The following AFF2 variants were observed in gnomAD, a reference collection of about 807,000 sequenced individuals.
AFF2 encodes AF4/FMR2 family member 2.
A neutral mutation model predicts 76.9 loss-of-function variants in AFF2; 14 were observed. That is an observed-to-expected ratio of 0.18 (90% confidence interval 0.12 to 0.28). The LOEUF is 0.28. AFF2 is among the 10% of genes least tolerant of loss of function. The pLI is 1.00. For missense variants in AFF2, 868 were observed against 1,001.1 expected (o/e 0.87, Z 1.79); for synonymous variants, 398 against 366.7 (o/e 1.09, Z -0.98).
Position 148,661,979 on chromosome X carries a change from G to T in AFF2, c.252G>T (p.Leu84Phe), listed in dbSNP as rs1232386544. The T allele has an allele frequency of 2.5e-6, 3 of 1,205,693 alleles. No homozygotes were observed. The highest frequency in any genetic ancestry group is 3.4e-6 in the Non-Finnish European group (3 of 891,597). ...GAAACTATGATGAAATGAAGAATTT[G>T]CTAACTAACCATTCTAATCAGAATC... The part of the protein sequence containing the change: ...TLGNYDEMKN[L>F]LTNHSNQNHL... Residue 84 changes from leucine (L) to phenylalanine (F), a missense_variant, in exon 3 of 21, where the codon TTG becomes TTT. Leu to Phe is a conservative substitution (Grantham distance 22). Transcript: ENST00000370460.
At chrX:148,800,592 G>A (rs907831775) in intron 3 of AFF2, among the ~76,000 whole-genome samples, 2 of 111,464 alleles carry the variant, frequency 1.8e-5, no homozygotes, top group Admixed American at 9.5e-5. Context: ...AAAAATAAGA[G>A]CCAAAGGTAC....
At chrX:148,503,832 A>G (rs782572293) in intron 1 of AFF2, among the ~76,000 whole-genome samples, 27 of 111,878 alleles carry the variant, frequency 2.4e-4, no homozygotes, top group African/African-American at 8.1e-4. Context: ...GGATTTCACA[A>G]ACTGCAAGAA....
chrX:148,800,664 C>A (rs1557270843), intron 3 of AFF2, among the ~76,000 whole-genome samples: 1 of 111,106 alleles, frequency 9.0e-6, no homozygotes, highest in African/African-American at 3.3e-5. Flanking sequence ...CCATAATATA[C>A]CTGTGGCAAT....
intron 1 of AFF2, among the ~76,000 whole-genome samples, chrX:148,539,647 C>G (rs1023715909): frequency 9.0e-6 from 1 of 111,016 alleles, no homozygotes; most frequent in Non-Finnish European, 1.9e-5. Flanking sequence ...CCAACATTCT[C>G]TAAGATTGAA....
intron 3 of AFF2, among the ~76,000 whole-genome samples, chrX:148,707,318 A>G (rs1557262481): frequency 1.8e-5 from 2 of 111,066 alleles, no homozygotes; most frequent in African/African-American, 6.5e-5. Context: ...AGTTTTATCT[A>G]TTCGTTGTAG....
intron 1 of AFF2, among the ~76,000 whole-genome samples, chrX:148,552,720 A>G (rs1168270261): frequency 5.3e-5 from 6 of 112,447 alleles, no homozygotes; most frequent in Admixed American, 9.4e-5. Context: ...TTGGCTTGAC[A>G]GCACAGATAG....
chrX:148,939,418 A>T (rs782681655), intron 9 of AFF2, among the ~76,000 whole-genome samples: 1 of 111,891 alleles, frequency 8.9e-6, no homozygotes, highest in Non-Finnish European at 1.9e-5. Flanking sequence ...ATATATTCTT[A>T]TTTTAACACT....
chrX:148,816,318 T>G (rs1404564667), intron 4 of AFF2, among the ~76,000 whole-genome samples: 1 of 111,070 alleles, frequency 9.0e-6, no homozygotes, highest in African/African-American at 3.3e-5. Flanking sequence ...AAGGAAAGAA[T>G]AAAACAAGGC....
chrX:148,506,809 A>G (rs183878407), intron 1 of AFF2, among the ~76,000 whole-genome samples: 3 of 111,711 alleles, frequency 2.7e-5, no homozygotes, highest in Non-Finnish European at 5.7e-5. Context: ...CAATAACCTT[A>G]AAGATTTGTT....
rs1603352925 is a variant in AFF2, at chrX:148,983,059, C to T, written c.3623+2269C>T. Among the ~76,000 whole-genome samples, 5 of 111,859 alleles carry T rather than the reference C, an allele frequency of 4.5e-5. No homozygotes were observed. The Admixed American group carries it at 4.7e-4, about 11-fold the overall frequency. Reference sequence around the variant, plus strand: ...AAGTTAGTGTTCCCTCTCAACAAATCGATTGCAAATGTTCATCTTTCGCAA... The same window carrying T: ...AAGTTAGTGTTCCCTCTCAACAAATTGATTGCAAATGTTCATCTTTCGCAA... On this transcript the variant is annotated intron_variant, in intron 19 of 20. Coordinates refer to ENST00000370460, the MANE Select transcript of AFF2 (RefSeq NM_002025.4).
At chrX:148,502,552 C>T (rs782793873) in intron 1 of AFF2, among the ~76,000 whole-genome samples, 1 of 112,540 alleles carries the variant, frequency 8.9e-6, no homozygotes, top group Non-Finnish European at 1.9e-5. Flanking sequence ...GTTTTATCAG[C>T]TCTGTAGAAA....
rs1225255603 is a variant in AFF2, at chrX:148,966,270, C to T, written c.2914-520C>T. On this transcript the variant is annotated intron_variant, in intron 13 of 20. Transcript: ENST00000370460. The stretch of plus-strand genomic sequence containing the variant: ...GGCAGGGATGATTAGAGTACAATTT[C>T]CTAGTATTTTGCTGGACTGTATCTG... 8.1e-5 allele frequency among the ~76,000 whole-genome samples: 9 copies of T among 111,271 alleles called. No homozygotes were observed. In the East Asian group the frequency reaches 2.5e-3, roughly 31 times the overall value.
intron 3 of AFF2, among the ~76,000 whole-genome samples, chrX:148,800,939 C>G (rs1300781726): frequency 1.8e-5 from 2 of 112,373 alleles, no homozygotes; most frequent in Non-Finnish European, 1.9e-5. Context: ...GGAATGATTT[C>G]TCTCAGGAGG....
chrX:148,991,141 G>A (rs372389018), intron 20 of AFF2, 70 bp from the exon 21 acceptor site: 5 of 1,047,778 alleles, frequency 4.8e-6, no homozygotes, highest in East Asian at 3.3e-5. Context: ...TGTGAAAGCA[G>A]CTTCTCAATG....
chrX:148,674,680 C>T (rs1357025833), intron 3 of AFF2, among the ~76,000 whole-genome samples: 3 of 111,790 alleles, frequency 2.7e-5, no homozygotes, highest in African/African-American at 6.5e-5. Flanking sequence ...GGACTCCCAG[C>T]GCAGGAAACC....
chrX:148,530,135 T>C (rs1023868777), intron 1 of AFF2, among the ~76,000 whole-genome samples: 30 of 111,449 alleles, frequency 2.7e-4, no homozygotes, highest in African/African-American at 9.8e-4. Flanking sequence ...GTCAGGAGCA[T>C]TAGATGACTT....
At chrX:148,794,836 A>G (rs781874545) in intron 3 of AFF2, among the ~76,000 whole-genome samples, 3 of 111,359 alleles carry the variant, frequency 2.7e-5, no homozygotes, top group Non-Finnish European at 3.8e-5. Flanking sequence ...AGTGGGAACT[A>G]CATGGATAAA....
chrX:148,875,912 AT>A (rs2071031072), intron 7 of AFF2, among the ~76,000 whole-genome samples: 1 of 111,611 alleles, frequency 9.0e-6, no homozygotes, highest in Non-Finnish European at 1.9e-5. Flanking sequence ...GTTCAGTTGC[AT>A]TTTAGGTAGA....
chrX:148,636,076 C>T (rs2036815812), intron 1 of AFF2, among the ~76,000 whole-genome samples: 1 of 110,119 alleles, frequency 9.1e-6, no homozygotes, highest in Non-Finnish European at 1.9e-5. Context: ...GCATAATATT[C>T]GATATCCATT....
Sources: gnomAD v4.1 joint callset for allele counts (sites outside exome capture counted in the v4.1 genomes callset) on GRCh38, gnomAD v4.1.1 for gene constraint, MANE v1.5 for transcripts, NCBI Gene and HGNC (gene_info 2026-07-23, HGNC 2026-07-21) for gene names.